The following FAM241A variants were observed in gnomAD, a reference collection of about 807,000 sequenced individuals.
The protein encoded by FAM241A is uncharacterized protein FAM241A.
In FAM241A, 7 loss-of-function variants were observed where a neutral mutation model predicts 12.2. The observed-to-expected ratio is 0.58, with a 90% CI of 0.33 to 1.08. FAM241A has a LOEUF of 1.08. FAM241A is among the 50% of genes least tolerant of loss of function. The probability of loss-of-function intolerance (pLI) is 0.04; values close to 1 mark genes in which losing one functional copy is unlikely to be tolerated. For synonymous variants in FAM241A, 74 were observed against 68.2 expected, an observed-to-expected ratio of 1.08 and a Z score of -0.42; for missense variants, 161 against 169.7, an observed-to-expected ratio of 0.95 and a Z score of 0.29.
At chr4:112,160,227 T>G (rs1467733198) in intron 1 of FAM241A, among the ~76,000 whole-genome samples, 1 of 151,860 alleles carries the variant, frequency 6.6e-6, no homozygotes, top group Admixed American at 6.6e-5. Context: ...GCCAACATGA[T>G]GAAACCCCAT....
intron 1 of FAM241A, among the ~76,000 whole-genome samples, chr4:112,177,656 T>A (rs770815267): frequency 6.6e-6 from 1 of 152,184 alleles, no homozygotes; most frequent in Non-Finnish European, 1.5e-5. Flanking sequence ...GCTTTCCTAC[T>A]CTACCATTAA....
At chr4:112,179,092 A>G (rs922473015) in intron 1 of FAM241A, among the ~76,000 whole-genome samples, 7 of 152,142 alleles carry the variant, frequency 4.6e-5, no homozygotes, top group Non-Finnish European at 8.8e-5. Context: ...AAACACTCTG[A>G]TGTAGTTTCT....
intron 1 of FAM241A, among the ~76,000 whole-genome samples, chr4:112,184,469 A>G (rs1010106506): frequency 6.6e-6 from 1 of 152,194 alleles, no homozygotes; most frequent in African/African-American, 2.4e-5. Flanking sequence ...TGGAGTTTGC[A>G]GTGAGCCGAG....
At chr4:112,158,099 A>T (rs1723389791) in intron 1 of FAM241A, among the ~76,000 whole-genome samples, 2 of 152,036 alleles carry the variant, frequency 1.3e-5, no homozygotes, top group African/African-American at 2.4e-5. Flanking sequence ...GTCCTTCATT[A>T]TTTATTTTAT....
intron 1 of FAM241A, among the ~76,000 whole-genome samples, chr4:112,172,948 T>A (rs544887974): frequency 9.9e-5 from 15 of 152,272 alleles, no homozygotes; most frequent in African/African-American, 3.1e-4. Context: ...AGTGCAGTGG[T>A]GCGATCTTGG....
At chr4:112,183,420 C>T (rs1239455109) in intron 1 of FAM241A, among the ~76,000 whole-genome samples, 1 of 152,082 alleles carries the variant, frequency 6.6e-6, no homozygotes, top group African/African-American at 2.4e-5. Context: ...ATTGCTGTCT[C>T]CTCGCCTGGC....
chr4:112,161,131 A>T (rs1479386915), intron 1 of FAM241A, among the ~76,000 whole-genome samples: 1 of 152,248 alleles, frequency 6.6e-6, no homozygotes, highest in African/African-American at 2.4e-5. Context: ...AAGAAACAAC[A>T]TAACAGAATC....
intron 1 of FAM241A, chr4:112,171,535 C>T (rs563066941): frequency 8.6e-5 from 65 of 757,880 alleles, no homozygotes; most frequent in South Asian, 8.5e-4. Context: ...TTCTAAGTGT[C>T]ATCTTTTGTT....
Position 112,188,240 on chromosome 4 carries a change from T to A in FAM241A, c.*1302T>A, listed in dbSNP as rs963840211. The A allele has an allele frequency of 3.3e-5, 5 of 152,078 alleles. No homozygotes were observed. The highest frequency in any genetic ancestry group is 1.2e-4 in the African/African-American group (5 of 41,428). 9.4% of individuals were successfully genotyped at this position (152,078 alleles called of 1,614,324 possible). A position where few individuals can be genotyped will look rare whatever the true frequency, so the allele number is the denominator to read the frequency against. On this transcript the variant is annotated 3_prime_UTR_variant, in exon 2 of 2. Transcript: ENST00000309733. ...TAGAATTCAAGTTAAATTTCAGAAATTGGGGCAGTCAGGCATTTGTATCTT... is the reference window on the plus strand; with the variant it reads ...TAGAATTCAAGTTAAATTTCAGAAAATGGGGCAGTCAGGCATTTGTATCTT...
chr4:112,146,120 C>T (rs1723132611), intron 1 of FAM241A, among the ~76,000 whole-genome samples: 1 of 152,154 alleles, frequency 6.6e-6, no homozygotes, highest in Non-Finnish European at 1.5e-5. Context: ...TGCCCTGCGC[C>T]AGGTTTAGGA....
rs80167151 is a variant in FAM241A, at chr4:112,175,136, A to G, written c.154-11557A>G. Among the ~76,000 whole-genome samples the G allele has an allele frequency of 1.4e-3, 219 of 152,300 alleles. 2 individuals are homozygous for G. The East Asian group carries it at 0.041, about 28-fold the overall frequency. On this transcript the variant is annotated intron_variant, in intron 1 of 1. Coordinates refer to ENST00000309733, the MANE Select transcript of FAM241A (RefSeq NM_152400.3). ...TTCAAGTGACAAAAATCCAACTCCT[A>G]CTAGATTTTGGAAAATAGGAATTTA... is the stretch of plus-strand genomic sequence containing the variant.
intron 1 of FAM241A, among the ~76,000 whole-genome samples, chr4:112,176,075 A>G (rs188194420): frequency 2.0e-5 from 3 of 152,358 alleles, no homozygotes; most frequent in Admixed American, 2.0e-4. Flanking sequence ...TGCCCTTTCC[A>G]AAGTGAGTAA....
Position 112,177,657 on chromosome 4 carries a change from C to T in FAM241A, c.154-9036C>T, listed in dbSNP as rs189825233. ...AGGCACTTGGGTTGGCTTTCCTACTCTACCATTAATAGCACTACCACTGCT... is the reference window on the plus strand; with the variant it reads ...AGGCACTTGGGTTGGCTTTCCTACTTTACCATTAATAGCACTACCACTGCT... On this transcript the variant is annotated intron_variant, in intron 1 of 1. Transcript: ENST00000309733. 1.4e-4 allele frequency among the ~76,000 whole-genome samples: 21 copies of T among 152,206 alleles called. No individual in the cohort carries two copies. The East Asian group carries it at 3.5e-3, about 25-fold the overall frequency.
At chr4:112,161,983 T>A (rs576954161) in intron 1 of FAM241A, among the ~76,000 whole-genome samples, 2 of 152,326 alleles carry the variant, frequency 1.3e-5, no homozygotes, top group African/African-American at 4.8e-5. Context: ...GCTTCATCCC[T>A]GGCATGCAAG....
At chr4:112,181,355 C>CTGA (rs1010202328) in intron 1 of FAM241A, among the ~76,000 whole-genome samples, 1 of 151,204 alleles carries the variant, frequency 6.6e-6, no homozygotes, top group African/African-American at 2.4e-5. Flanking sequence ...AGTAGAAAAT[C>CTGA]TATCAAATAC....
chr4:112,153,149 A>G lies in FAM241A; in HGVS notation c.153+7416A>G, dbSNP rs534949129. Reference sequence around the variant, plus strand: ...CTAATGTTTAGAATAGACAATCTCTAAAGAAAAAATTAAACCTGTCAACCT... The same window carrying G: ...CTAATGTTTAGAATAGACAATCTCTGAAGAAAAAATTAAACCTGTCAACCT... On this transcript the variant is annotated intron_variant, in intron 1 of 1. Transcript: ENST00000309733. 1.2e-4 allele frequency among the ~76,000 whole-genome samples: 18 copies of G among 152,334 alleles called. 1 individual carries two copies. In the East Asian group the frequency reaches 3.5e-3, roughly 29 times the overall value.
chr4:112,157,519 A>T (rs1322640566), intron 1 of FAM241A, among the ~76,000 whole-genome samples: 2 of 152,090 alleles, frequency 1.3e-5, no homozygotes, highest in Non-Finnish European at 2.9e-5. Flanking sequence ...GATAGCAGGG[A>T]TATGTATGTC....
At chr4:112,162,105 A>G (rs978949115) in intron 1 of FAM241A, among the ~76,000 whole-genome samples, 1 of 152,244 alleles carries the variant, frequency 6.6e-6, no homozygotes, top group African/African-American at 2.4e-5. Flanking sequence ...GACAAAATTC[A>G]ACAACCCTTC....
At chr4:112,173,171 G>A (rs1723758258) in intron 1 of FAM241A, among the ~76,000 whole-genome samples, 1 of 152,154 alleles carries the variant, frequency 6.6e-6, no homozygotes, top group Non-Finnish European at 1.5e-5. Flanking sequence ...TTATAGGTGT[G>A]AGCCACTATG....
Sources: allele counts gnomAD v4.1 joint callset (sites outside exome capture counted in the v4.1 genomes callset), GRCh38; gene constraint gnomAD v4.1.1; transcripts MANE v1.5; gene names NCBI Gene and HGNC (gene_info 2026-07-23, HGNC 2026-07-21).